The following TMEM132C variants were observed in gnomAD, a reference collection of about 807,000 sequenced individuals.
The protein encoded by TMEM132C is protein phosphatase 1, regulatory subunit 152.
In TMEM132C, 29 loss-of-function variants were observed where a neutral mutation model predicts 61.4. The observed-to-expected ratio is 0.47, with a 90% CI of 0.35 to 0.64. The LOEUF (loss-of-function observed/expected upper bound fraction) is 0.64, where lower values mean the gene tolerates loss of function less well. Ranked by LOEUF, TMEM132C falls within the 30% of genes least tolerant of loss-of-function variation. The pLI, the probability that TMEM132C is intolerant of heterozygous loss-of-function variation, is 0.00. For synonymous variants in TMEM132C, 656 were observed against 633.1 expected (o/e 1.04, Z -0.54); for missense variants, 1,408 against 1,476.9 (o/e 0.95, Z 0.76).
chr12:128,442,585 T>TA (rs1272275688), intron 2 of TMEM132C, among the ~76,000 whole-genome samples: 46 of 149,556 alleles, frequency 3.1e-4, no homozygotes, highest in African/African-American at 1.1e-3. Context: ...TGTCAGTGTT[T>TA]TAAAAAAAAA....
chr12:128,680,170 A>G (rs759271375), intron 5 of TMEM132C, among the ~76,000 whole-genome samples: 56 of 152,226 alleles, frequency 3.7e-4, no homozygotes, highest in Non-Finnish European at 6.5e-4. Flanking sequence ...TCTCAGAGCA[A>G]TATGACACTG....
At chr12:128,546,940 A>G (rs554717997) in intron 3 of TMEM132C, among the ~76,000 whole-genome samples, 3 of 152,362 alleles carry the variant, frequency 2.0e-5, no homozygotes, top group South Asian at 4.1e-4. Context: ...TGTCATGTCC[A>G]TTCAGTCCTG....
Position 128,515,629 on chromosome 12 carries a change from C to T in TMEM132C, c.975-28328C>T, listed in dbSNP as rs148029396. ...CGGGTGGATCACGAGGTCAGGATAT[C>T]GAGACCGTCCTGGCTAACACAGTAA... is the stretch of plus-strand genomic sequence containing the variant. On this transcript the variant is annotated intron_variant, in intron 2 of 8. Coordinates refer to ENST00000435159, the MANE Select transcript of TMEM132C (RefSeq NM_001136103.3). Among the ~76,000 whole-genome samples, 1,039 of 152,170 alleles carry T rather than the reference C, an allele frequency of 6.8e-3. 6 individuals carry two copies. The highest frequency in any genetic ancestry group is 0.011 in the Non-Finnish European group (774 of 68,000).
At chr12:128,462,221 G>A (rs916268225) in intron 2 of TMEM132C, among the ~76,000 whole-genome samples, 14 of 152,150 alleles carry the variant, frequency 9.2e-5, no homozygotes, top group African/African-American at 1.2e-4. Context: ...TTTTCCCTGC[G>A]TCAGCCTCCT....
intron 1 of TMEM132C, among the ~76,000 whole-genome samples, chr12:128,379,241 G>T (rs541238935): frequency 1.3e-5 from 2 of 152,302 alleles, no homozygotes; most frequent in Admixed American, 1.3e-4. Flanking sequence ...GGGGTCACAT[G>T]GTAGGTTGTT....
At chr12:128,324,242 CAG>C (rs986572880) in intron 1 of TMEM132C, among the ~76,000 whole-genome samples, 16 of 152,120 alleles carry the variant, frequency 1.1e-4, no homozygotes, top group Admixed American at 7.2e-4. Context: ...TGAAATTAAA[CAG>C]GGGAATGCTT....
At chr12:128,548,891 T>C (rs1046821654) in intron 3 of TMEM132C, among the ~76,000 whole-genome samples, 1 of 152,344 alleles carries the variant, frequency 6.6e-6, no homozygotes, top group Middle Eastern at 3.4e-3. Flanking sequence ...CTAGAGATGA[T>C]TTAAAGTATG....
rs374905765 is a variant in TMEM132C, at chr12:128,619,365, TC to T, written c.1305+3034del. ...GGATAGGAGGATTCAGCCACAGCAT[TC>T]CCCGTCACCTACTGCCTCTGACTCC... On this transcript the variant is annotated intron_variant, in intron 4 of 8. Coordinates refer to ENST00000435159, the MANE Select transcript of TMEM132C (RefSeq NM_001136103.3). Among the ~76,000 whole-genome samples the T allele has an allele frequency of 4.6e-3, 700 of 152,280 alleles. 5 individuals are homozygous for T. Among genetic ancestry groups the T allele is most frequent in the African/African-American group, 0.016 (661 of 41,540 alleles).
At chr12:128,496,905 G>A (rs1871981374) in intron 2 of TMEM132C, among the ~76,000 whole-genome samples, 1 of 152,210 alleles carries the variant, frequency 6.6e-6, no homozygotes, top group Non-Finnish European at 1.5e-5. Context: ...GGGGAGAGGT[G>A]CTCTGATTTT....
intron 2 of TMEM132C, among the ~76,000 whole-genome samples, chr12:128,457,622 A>G (rs554677568): frequency 3.7e-4 from 57 of 152,016 alleles, no homozygotes; most frequent in Non-Finnish European, 6.6e-4. Context: ...CTAATGGTAT[A>G]TATTTTATTT....
At chr12:128,387,669 G>T (rs1222576978) in intron 1 of TMEM132C, among the ~76,000 whole-genome samples, 1 of 152,110 alleles carries the variant, frequency 6.6e-6, no homozygotes, top group Non-Finnish European at 1.5e-5. Flanking sequence ...AATTAGCTGG[G>T]CATGGTGGTG....
chr12:128,591,574 G>T (rs1456080513), intron 3 of TMEM132C, among the ~76,000 whole-genome samples: 2 of 152,134 alleles, frequency 1.3e-5, no homozygotes, highest in African/African-American at 4.8e-5. Context: ...AGGTTTTTAT[G>T]CAGAGATATG....
At chr12:128,536,750 TG>T (rs398116993) in intron 2 of TMEM132C, among the ~76,000 whole-genome samples, 1 of 32,744 alleles carries the variant, frequency 3.1e-5, no homozygotes, top group Non-Finnish European at 9.9e-5. Flanking sequence ...AGGGGGTGCT[TG>T]TGTGTGTGTG....
intron 2 of TMEM132C, among the ~76,000 whole-genome samples, chr12:128,505,298 T>G (rs1160917470): frequency 1.3e-5 from 2 of 152,148 alleles, no homozygotes; most frequent in Admixed American, 6.5e-5. Context: ...ATAGATTGTT[T>G]CCAGCATGCT....
At chr12:128,407,180 T>C (rs887042949) in intron 1 of TMEM132C, among the ~76,000 whole-genome samples, 11 of 152,198 alleles carry the variant, frequency 7.2e-5, no homozygotes, top group South Asian at 4.1e-4. Flanking sequence ...GTTCTCATGA[T>C]AGTGAATAAG....
rs373760545 is a variant in TMEM132C, at chr12:128,579,438, G to T, written c.1121+35335G>T. Among the ~76,000 whole-genome samples the T allele has an allele frequency of 5.9e-5, 9 of 152,304 alleles. No individual in the cohort carries two copies. The East Asian group carries it at 9.6e-4, about 16-fold the overall frequency. On this transcript the variant is annotated intron_variant, in intron 3 of 8. Transcript: ENST00000435159. The stretch of plus-strand genomic sequence containing the variant: ...GTTGGGGCAAGGAGAACATGAACAT[G>T]CCTCTTGCATTACCCACCCCTCCTC...
At chr12:128,517,046 AC>A (rs1270229226) in intron 2 of TMEM132C, among the ~76,000 whole-genome samples, 2 of 145,714 alleles carry the variant, frequency 1.4e-5, no homozygotes, top group Non-Finnish European at 3.0e-5. Flanking sequence ...ACACAGTGAC[AC>A]CTGTCTCTGC....
chr12:128,505,675 A>G (rs1872332152), intron 2 of TMEM132C, among the ~76,000 whole-genome samples: 1 of 152,208 alleles, frequency 6.6e-6, no homozygotes, highest in Admixed American at 6.5e-5. Context: ...AAGTATAATC[A>G]ATGTGCTTGA....
At chr12:128,687,274 T>C (rs1779958995) in intron 5 of TMEM132C, among the ~76,000 whole-genome samples, 1 of 151,454 alleles carries the variant, frequency 6.6e-6, no homozygotes, top group South Asian at 2.1e-4. Context: ...AAGGCAGGGA[T>C]TCTCAGCCTC....
Sources: allele counts gnomAD v4.1 joint callset (sites outside exome capture counted in the v4.1 genomes callset), GRCh38; gene constraint gnomAD v4.1.1; transcripts MANE v1.5; gene names NCBI Gene and HGNC (gene_info 2026-07-23, HGNC 2026-07-21).